The following ZNF721 variants were observed in gnomAD, a reference collection of about 807,000 sequenced individuals.
ZNF721 encodes the protein zinc finger protein 721.
Under a neutral mutation model 2.4 loss-of-function variants are expected in ZNF721, and 2 were observed. That is an observed-to-expected ratio of 0.82 (90% CI 0.34 to 2.58). The LOEUF is 2.58. Ranked by LOEUF, ZNF721 falls within the 30% of genes most tolerant of loss-of-function variation. The pLI is 0.11. For synonymous variants in ZNF721, 398 were observed against 381.8 expected, an observed-to-expected ratio of 1.04 and a Z score of -0.50; for missense variants, 1,187 against 1,085.5, an observed-to-expected ratio of 1.09 and a Z score of -1.31.
intron 2 of ZNF721, among the ~76,000 whole-genome samples, chr4:459,314 T>G (rs1322194024): frequency 1.3e-5 from 2 of 152,128 alleles, no homozygotes; most frequent in Non-Finnish European, 2.9e-5. Context: ...TAATCTTAAA[T>G]GTAAAACGGC....
At chr4:474,031 T>A (rs781933643) in intron 1 of ZNF721, 1 of 1,492,848 alleles carries the variant, frequency 6.7e-7, no homozygotes, top group East Asian at 3.0e-5. Context: ...AATCATCCAA[T>A]ACCCGCAGGT....
At chr4:495,924 T>C (rs782330910) in intron 1 of ZNF721, among the ~76,000 whole-genome samples, 6 of 152,146 alleles carry the variant, frequency 3.9e-5, no homozygotes, top group African/African-American at 9.7e-5. Flanking sequence ...CTTTTAACCA[T>C]TGAGCTCCTT....
intron 1 of ZNF721, among the ~76,000 whole-genome samples, chr4:492,804 C>A (rs1182878508): frequency 3.4e-5 from 5 of 145,006 alleles, no homozygotes; most frequent in Non-Finnish European, 4.5e-5. Flanking sequence ...AAAAAAAAAA[C>A]AAAAAACCTC....
intron 1 of ZNF721, among the ~76,000 whole-genome samples, chr4:480,490 A>G (rs1715744701): frequency 1.3e-5 from 2 of 152,124 alleles, no homozygotes; most frequent in Non-Finnish European, 2.9e-5. Flanking sequence ...ATTGCAGCAA[A>G]CCTCTAGAAC....
At chr4:485,642 GTA>G (rs1715874996) in intron 1 of ZNF721, among the ~76,000 whole-genome samples, 2 of 152,188 alleles carry the variant, frequency 1.3e-5, no homozygotes, top group South Asian at 4.1e-4. Flanking sequence ...GTTGCATATT[GTA>G]ATCACCTGGA....
intron 1 of ZNF721, among the ~76,000 whole-genome samples, chr4:472,914 G>A (rs1715483547): frequency 6.6e-6 from 1 of 152,030 alleles, no homozygotes; most frequent in Non-Finnish European, 1.5e-5. Context: ...GGGCTACACT[G>A]ACCTGCCCCT....
chr4:498,860 G>C (rs1457445547), intron 1 of ZNF721, among the ~76,000 whole-genome samples, 196 bp downstream of exon 1: 1 of 152,002 alleles, frequency 6.6e-6, no homozygotes, highest in Non-Finnish European at 1.5e-5. Flanking sequence ...GAGTAGCTGG[G>C]ACGACAGGCA....
At chr4:470,531 T>C (rs576965987) in intron 2 of ZNF721, among the ~76,000 whole-genome samples, 2 of 152,164 alleles carry the variant, frequency 1.3e-5, no homozygotes, top group East Asian at 1.9e-4. Context: ...CTGACCAACA[T>C]AGAGAAACCC....
At position 443,655 on chromosome 4, in the gene ZNF721, T is replaced by C; in HGVS notation, c.812A>G (p.His271Arg). The change falls in exon 3 of 3, where the codon CAT becomes CGT. Residue 271 changes from histidine (H) to arginine (R), a missense_variant. His to Arg is a conservative substitution (Grantham distance 29). Coordinates refer to ENST00000511833, the MANE Select transcript of ZNF721 (RefSeq NM_133474.4). ...ACATTTAAAGGGTTTCTCGCCAGTATGAATCCTCTTATGTTTAGCAAAGCT... is the reference window on the plus strand; with the variant it reads ...ACATTTAAAGGGTTTCTCGCCAGTACGAATCCTCTTATGTTTAGCAAAGCT... The part of the protein sequence containing the change: ...SSSFAKHKRI[H>R]TGEKPFKCLE... 1 of 1,614,052 alleles carries C rather than the reference T, an allele frequency of 6.2e-7. No homozygotes were observed. Among genetic ancestry groups the C allele is most frequent in the Non-Finnish European group, 8.5e-7 (1 of 1,179,940 alleles).
At chr4:489,643 C>T (rs1553871178) in intron 1 of ZNF721, among the ~76,000 whole-genome samples, 1 of 152,178 alleles carries the variant, frequency 6.6e-6, no homozygotes. Context: ...AAGACGTGTT[C>T]AGGCCCTCAC....
Position 443,126 on chromosome 4 carries a change from A to G in ZNF721, c.1341T>C (p.Cys447=). 1 of 1,613,900 alleles carries G rather than the reference A, an allele frequency of 6.2e-7. No individual in the cohort carries two copies. The highest frequency in any genetic ancestry group is 8.5e-7 in the Non-Finnish European group (1 of 1,179,872). Residue 447 remains cysteine (C), a synonymous_variant, in exon 3 of 3, where the codon TGT becomes TGC. Coordinates refer to ENST00000511833, the MANE Select transcript of ZNF721 (RefSeq NM_133474.4). The part of the protein sequence containing the change: ...KIHTGDKPYK[C]KECGKAFIHS... ...GTATAAAGGCTTTCCCACATTCTTT[A>G]CATTTGTAGGGTTTATCTCCAGTAT...
chr4:450,217 C>T (rs1714606669), intron 2 of ZNF721, among the ~76,000 whole-genome samples: 1 of 149,772 alleles, frequency 6.7e-6, no homozygotes, highest in Non-Finnish European at 1.5e-5. Flanking sequence ...GAGAAATCTA[C>T]ACTCCCATGT....
At chr4:483,594 A>G (rs1249015788) in intron 1 of ZNF721, among the ~76,000 whole-genome samples, 3 of 151,984 alleles carry the variant, frequency 2.0e-5, no homozygotes, top group Admixed American at 6.6e-5. Flanking sequence ...GATTGTGGTT[A>G]CATTTGGGGA....
At chr4:460,655 CAGG>C (rs1297198730) in intron 2 of ZNF721, among the ~76,000 whole-genome samples, 1 of 149,228 alleles carries the variant, frequency 6.7e-6, no homozygotes, top group African/African-American at 2.5e-5. Flanking sequence ...TCAACAAATC[CAGG>C]AGGAGGTTTT....
intron 2 of ZNF721, among the ~76,000 whole-genome samples, chr4:468,627 C>T (rs76569411): frequency 1.3e-5 from 2 of 152,100 alleles, no homozygotes; most frequent in South Asian, 4.1e-4. Flanking sequence ...TCTCTGGTAA[C>T]ACAACCCTCA....
At chr4:454,187 G>A (rs1553865163) in intron 2 of ZNF721, 1 of 152,252 alleles carries the variant, frequency 6.6e-6, no homozygotes, top group African/African-American at 2.4e-5. Flanking sequence ...GGATACTACG[G>A]GTGGTGATAC....
chr4:490,424 G>A (rs1258483743), intron 1 of ZNF721, among the ~76,000 whole-genome samples: 10 of 151,870 alleles, frequency 6.6e-5, no homozygotes, highest in Non-Finnish European at 1.3e-4. Flanking sequence ...AGCCAAGATT[G>A]TGCCACTGCA....
At chr4:466,250 C>T (rs1378928064) in intron 2 of ZNF721, among the ~76,000 whole-genome samples, 4 of 152,316 alleles carry the variant, frequency 2.6e-5, no homozygotes, top group East Asian at 3.9e-4. Context: ...CGTGTGCACT[C>T]GCACACATGC....
intron 2 of ZNF721, among the ~76,000 whole-genome samples, chr4:448,614 A>G (rs1199327054): frequency 6.6e-6 from 1 of 152,214 alleles, no homozygotes; most frequent in African/African-American, 2.4e-5. Context: ...ATTATATCAA[A>G]TTAAGAAACA....
Sources: allele counts gnomAD v4.1 joint callset (sites outside exome capture counted in the v4.1 genomes callset), GRCh38; gene constraint gnomAD v4.1.1; transcripts MANE v1.5; gene names NCBI Gene and HGNC (gene_info 2026-07-23, HGNC 2026-07-21).